SETBP1: variants seen among roughly 807,000 people sequenced by gnomAD.
The protein encoded by SETBP1 is SET binding protein 1, also known as SET-binding protein.
In SETBP1, 9 loss-of-function variants were observed where a neutral mutation model predicts 101.0. The observed-to-expected ratio is 0.09, with a 90% CI of 0.05 to 0.16. SETBP1 has a LOEUF of 0.16. Ranked by LOEUF, SETBP1 falls within the 10% of genes least tolerant of loss-of-function variation. The pLI is 1.00. For missense variants in SETBP1, 1,858 were observed against 2,033.8 expected, an observed-to-expected ratio of 0.91 and a Z score of 1.66; for synonymous variants, 818 against 788.5, an observed-to-expected ratio of 1.04 and a Z score of -0.63.
intron 2 of SETBP1, among the ~76,000 whole-genome samples, chr18:44,726,097 A>G (rs990107262): frequency 6.6e-6 from 1 of 152,156 alleles, no homozygotes; most frequent in Non-Finnish European, 1.5e-5. Flanking sequence ...TTTTAAGTTC[A>G]GAAGGGAATT....
chr18:44,911,001 G>C (rs1419098785), intron 3 of SETBP1, among the ~76,000 whole-genome samples: 1 of 152,158 alleles, frequency 6.6e-6, no homozygotes, highest in East Asian at 1.9e-4. Flanking sequence ...ATACCCCCTT[G>C]TGTATGTACA....
intron 4 of SETBP1, among the ~76,000 whole-genome samples, chr18:44,992,233 T>C (rs1185455493): frequency 6.6e-6 from 1 of 151,948 alleles, no homozygotes; most frequent in Non-Finnish European, 1.5e-5. Context: ...TCAAAAAAAG[T>C]AGAAGAAAGG....
At chr18:44,753,351 C>A (rs1388344151) in intron 2 of SETBP1, among the ~76,000 whole-genome samples, 7 of 152,198 alleles carry the variant, frequency 4.6e-5, no homozygotes, top group Non-Finnish European at 1.0e-4. Flanking sequence ...TGAGAATACT[C>A]CTTCATCCAT....
rs368612876 is a variant in SETBP1 at position 44,877,398 on chromosome 18, A to G, written c.540+8115A>G. On this transcript the variant is annotated intron_variant, in intron 3 of 5. Transcript: ENST00000649279. ...ACACTGAGCTTTCCTAGTTTTAATA[A>G]AAGAGTAGGATTTGGACTCCTTATT... 2.1e-5 allele frequency: 21 copies of G among 980,398 alleles called. No homozygotes were observed. In the African/African-American group the frequency reaches 3.5e-4, roughly 16 times the overall value. The allele number at this position is 980,398 out of a possible 1,614,324, so 60.7% of individuals were successfully genotyped here.
intron 3 of SETBP1, among the ~76,000 whole-genome samples, chr18:44,926,745 A>AAAAC (rs144507435): frequency 2.0e-3 from 296 of 150,808 alleles, no homozygotes; most frequent in Non-Finnish European, 3.6e-3. Flanking sequence ...AACTGATTTA[A>AAAAC]AAACAAACAA....
chr18:44,685,512 T>G (rs757292437), intron 1 of SETBP1, among the ~76,000 whole-genome samples: 18 of 152,156 alleles, frequency 1.2e-4, no homozygotes, highest in Non-Finnish European at 2.4e-4. Flanking sequence ...GCCTCACATC[T>G]GAAGTGACAA....
chr18:44,806,091 A>G (rs144967878), intron 2 of SETBP1, among the ~76,000 whole-genome samples: 22 of 152,292 alleles, frequency 1.4e-4, no homozygotes, highest in African/African-American at 4.6e-4. Flanking sequence ...CTGAAGTACC[A>G]TGTGTGCATA....
intron 2 of SETBP1, among the ~76,000 whole-genome samples, chr18:44,841,540 C>G (rs767042010): frequency 6.6e-6 from 1 of 152,154 alleles, no homozygotes; most frequent in Non-Finnish European, 1.5e-5. Context: ...ATTTGAAAAC[C>G]ATCCATGGCC....
At chr18:44,712,574 G>A (rs147061523) in intron 2 of SETBP1, among the ~76,000 whole-genome samples, 4 of 152,188 alleles carry the variant, frequency 2.6e-5, no homozygotes, top group Middle Eastern at 3.4e-3. Flanking sequence ...ATCCTTTGGG[G>A]GCAGCATTAT....
chr18:45,054,747 A>G (rs1207382698), intron 5 of SETBP1, among the ~76,000 whole-genome samples: 1 of 152,166 alleles, frequency 6.6e-6, no homozygotes, highest in Non-Finnish European at 1.5e-5. Context: ...AGCTTAGATT[A>G]TCTCTGGAAT....
chr18:44,684,124 T>A (rs1416287082), intron 1 of SETBP1, among the ~76,000 whole-genome samples: 2 of 152,160 alleles, frequency 1.3e-5, no homozygotes, highest in Non-Finnish European at 2.9e-5. Flanking sequence ...CTGGGGTTCC[T>A]GTGAAGGGAG....
At chr18:45,049,072 G>A (rs955261740) in intron 5 of SETBP1, among the ~76,000 whole-genome samples, 13 of 150,102 alleles carry the variant, frequency 8.7e-5, no homozygotes, top group African/African-American at 2.9e-4. Context: ...TCCAAAACAT[G>A]AGATGACCAA....
At position 45,063,326 on chromosome 18, in the gene SETBP1, G is replaced by C; in HGVS notation, c.4419G>C (p.Pro1473=). The change falls in exon 6 of 6, where the codon CCG becomes CCC. Residue 1473 remains proline (P), a synonymous_variant. Transcript: ENST00000649279. ...ATGAGGACTCCAGAGACCAAATGCC[G>C]GTGCTGGAAAAATGCATCGACCTGC... ...QFDEDSRDQM[P]VLEKCIDLPS... 6.3e-7 allele frequency: 1 copy of C among 1,597,786 alleles called. No homozygotes were observed. Among genetic ancestry groups the C allele is most frequent in the South Asian group, 1.1e-5 (1 of 88,712 alleles).
intron 3 of SETBP1, among the ~76,000 whole-genome samples, chr18:44,880,594 G>T (rs1360574301): frequency 1.3e-5 from 2 of 152,204 alleles, no homozygotes; most frequent in African/African-American, 4.8e-5. Context: ...TATTCAGGAA[G>T]CGTGGTGCTG....
intron 1 of SETBP1, among the ~76,000 whole-genome samples, chr18:44,699,077 G>A (rs955704277): frequency 1.3e-5 from 2 of 152,080 alleles, no homozygotes; most frequent in Admixed American, 1.3e-4. Flanking sequence ...CACAGAATCT[G>A]TAACATACAT....
intron 2 of SETBP1, among the ~76,000 whole-genome samples, chr18:44,751,190 C>T (rs1183705912): frequency 6.6e-6 from 1 of 152,180 alleles, no homozygotes; most frequent in African/African-American, 2.4e-5. Flanking sequence ...GAGAAAGAAG[C>T]AGGAAGGTAA....
At chr18:44,721,549 C>T (rs981374773) in intron 2 of SETBP1, among the ~76,000 whole-genome samples, 3 of 144,822 alleles carry the variant, frequency 2.1e-5, no homozygotes, top group African/African-American at 5.2e-5. Flanking sequence ...CAGCTCAGCA[C>T]GGGACTCCAT....
chr18:45,002,902 C>A (rs2072646577), intron 4 of SETBP1, among the ~76,000 whole-genome samples: 1 of 152,162 alleles, frequency 6.6e-6, no homozygotes, highest in South Asian at 2.1e-4. Context: ...AACTACTCAC[C>A]ACCTCTTTGA....
At chr18:44,857,087 G>C (rs2072995003) in intron 2 of SETBP1, among the ~76,000 whole-genome samples, 2 of 152,182 alleles carry the variant, frequency 1.3e-5, no homozygotes, top group South Asian at 4.1e-4. Context: ...AGCATTTGTG[G>C]TATAATTGAC....
Sources: allele counts gnomAD v4.1 joint callset (sites outside exome capture counted in the v4.1 genomes callset), GRCh38; gene constraint gnomAD v4.1.1; transcripts MANE v1.5; gene names NCBI Gene and HGNC (gene_info 2026-07-23, HGNC 2026-07-21).